The following PCDHA6 variants were observed in gnomAD, a reference collection of about 807,000 sequenced individuals.
PCDHA6 encodes protocadherin alpha 6.
Under a neutral mutation model 60.3 loss-of-function variants are expected in PCDHA6, and 55 were observed. That is an observed-to-expected ratio of 0.91 (90% CI 0.73 to 1.14). The LOEUF (loss-of-function observed/expected upper bound fraction) is 1.14, where lower values mean the gene tolerates loss of function less well. Ranked by LOEUF, PCDHA6 falls within the 50% of genes most tolerant of loss-of-function variation. PCDHA6 has a pLI of 0.00. For missense variants in PCDHA6, 1,327 were observed against 1,256.5 expected, an observed-to-expected ratio of 1.06 and a Z score of -0.85; for synonymous variants, 652 against 557.9, an observed-to-expected ratio of 1.17 and a Z score of -2.38.
intron 1 of PCDHA6, among the ~76,000 whole-genome samples, chr5:140,913,296 T>A (rs538964015): frequency 2.1e-4 from 32 of 152,322 alleles, no homozygotes; most frequent in African/African-American, 7.0e-4. Flanking sequence ...TTTAATTTCT[T>A]CATAGATCAA....
chr5:140,831,399 A>T (rs2150194241), intron 1 of PCDHA6, among the ~76,000 whole-genome samples: 1 of 150,984 alleles, frequency 6.6e-6, no homozygotes. Flanking sequence ...TTGCTCTGTC[A>T]CCCATGCTGG....
chr5:140,867,064 T>C (rs890190808), intron 1 of PCDHA6: 7 of 152,176 alleles, frequency 4.6e-5, no homozygotes, highest in Admixed American at 1.3e-4. Flanking sequence ...CTACTTTATA[T>C]ATTCACAAAA....
intron 1 of PCDHA6, chr5:140,836,819 C>T (rs1774763435): frequency 1.8e-6 from 2 of 1,113,462 alleles, no homozygotes; most frequent in African/African-American, 1.6e-5. Context: ...TTCATAATTT[C>T]TTTTTTAGTT....
rs1176512976 is a variant in PCDHA6 at position 140,829,934 on chromosome 5, G to T, written c.1843G>T (p.Ala615Ser). 3 of 1,613,878 alleles carry T rather than the reference G, an allele frequency of 1.9e-6. No homozygotes were observed. The highest frequency in any genetic ancestry group is 1.7e-6 in the Non-Finnish European group (2 of 1,179,910). The change falls in exon 1 of 4, where the codon GCA becomes TCA. Residue 615 changes from alanine (A) to serine (S), a missense_variant. Physicochemically the swap from Ala to Ser is moderately conservative, Grantham distance 99 (BLOSUM62 1). Transcript: ENST00000529310. ...AWLSYELQPPASSARFPFRVG... is the reference protein window; with the variant it reads ...AWLSYELQPPSSSARFPFRVG... ...GCTTTCGTATGAGCTGCAGCCCCCG[G>T]CAAGCAGCGCTCGCTTCCCGTTTCG...
chr5:140,976,414 G>A (rs1242756697), intron 1 of PCDHA6, among the ~76,000 whole-genome samples: 2 of 151,998 alleles, frequency 1.3e-5, no homozygotes, highest in African/African-American at 2.4e-5. Context: ...AGCCAGGTAC[G>A]GTGGCAGATG....
intron 1 of PCDHA6, chr5:140,861,198 G>A: frequency 6.1e-6 from 1 of 162,948 alleles, no homozygotes; most frequent in Non-Finnish European, 1.3e-5. Context: ...ATGAAATATT[G>A]TTTTACTAAC....
At position 141,009,867 on chromosome 5, in the gene PCDHA6, A is replaced by C. The variant is rs374660085; in HGVS notation, c.2783A>C (p.Lys928Thr). 4.3e-6 allele frequency: 7 copies of C among 1,613,976 alleles called. No individual in the cohort carries two copies. The African/African-American group carries it at 9.3e-5, about 22-fold the overall frequency. ...GAGGAGACCAAGAAAAAGAAGAAAA[A>C]GAAGAAGGGTAACAAGACCCAGGAG... Reference protein sequence around the residue: ...KKEETKKKKKKKKGNKTQEKK... With the variant: ...KKEETKKKKKTKKGNKTQEKK... Residue 928 changes from lysine (K) to threonine (T), a missense_variant, in exon 4 of 4, where the codon AAG becomes ACG. Coordinates refer to ENST00000529310, the MANE Select transcript of PCDHA6 (RefSeq NM_018909.4).
intron 2 of PCDHA6, chr5:140,982,224 A>C: frequency 1.7e-6 from 1 of 587,320 alleles, no homozygotes; most frequent in South Asian, 3.8e-5. Flanking sequence ...TGGCGTTAAT[A>C]AAAAACAGAA....
In PCDHA6 at chr5:140,856,320, G is replaced by T. The variant is rs2043925109; in HGVS notation, c.2394+25835G>T. 1.8e-5 allele frequency: 28 copies of T among 1,598,544 alleles called. 3 individuals carry two copies. Among genetic ancestry groups the T allele is most frequent in the Non-Finnish European group, 2.4e-5 (28 of 1,168,074 alleles). ...TTGTTTGTGAATTCTCGGATTGACC[G>T]CGAGGAGCTGTGCGGGCGGAGCGTG... On this transcript the variant is annotated intron_variant, in intron 1 of 3. Coordinates refer to ENST00000529310, the MANE Select transcript of PCDHA6 (RefSeq NM_018909.4).
intron 1 of PCDHA6, chr5:140,857,098 T>G: frequency 6.3e-7 from 1 of 1,597,572 alleles, no homozygotes; most frequent in Non-Finnish European, 8.6e-7. Context: ...CTGAGGTGAT[T>G]GTCACTTCTC....
intron 1 of PCDHA6, among the ~76,000 whole-genome samples, chr5:140,941,207 CT>C (rs880001940): frequency 0.13 from 13,079 of 103,138 alleles, 665 homozygotes; most frequent in African/African-American, 0.21. Context: ...TTCTTCCTTT[CT>C]TTCTTCCTTT....
At position 140,828,863 on chromosome 5, in the gene PCDHA6, G is replaced by A. The variant is rs2150159880; in HGVS notation, c.772G>A (p.Gly258Arg). 1.2e-6 allele frequency: 2 copies of A among 1,614,200 alleles called. No homozygotes were observed. Among genetic ancestry groups the A allele is most frequent in the East Asian group, 2.2e-5 (1 of 44,886 alleles). Residue 258 changes from glycine to arginine, a missense_variant, in exon 1 of 4, where the codon GGA (glycine) becomes AGA (arginine). Physicochemically the swap from Gly to Arg is moderately radical, Grantham distance 125. Transcript: ENST00000529310. Reference protein sequence around the residue: ...EVRIFENADNGTTVIRLNASD... With the variant: ...EVRIFENADNRTTVIRLNASD... Reference sequence around the variant, plus strand: ...AAGAATATTCGAAAATGCAGACAACGGAACAACAGTTATCAGACTGAATGC... The same window carrying A: ...AAGAATATTCGAAAATGCAGACAACAGAACAACAGTTATCAGACTGAATGC...
intron 1 of PCDHA6, among the ~76,000 whole-genome samples, chr5:140,896,899 C>T (rs191660343): frequency 1.4e-4 from 21 of 152,112 alleles, no homozygotes; most frequent in Admixed American, 1.4e-3. Flanking sequence ...CATTTTGATA[C>T]AAGCATGCAA....
intron 1 of PCDHA6, chr5:140,966,135 T>A (rs1456572936): frequency 1.2e-5 from 2 of 162,166 alleles, no homozygotes; most frequent in African/African-American, 4.8e-5. Context: ...CCCCTCAGTT[T>A]ATTTTCCTGA....
chr5:140,841,535 C>A (rs146057065), intron 1 of PCDHA6: 5 of 1,613,548 alleles, frequency 3.1e-6, no homozygotes, highest in African/African-American at 1.3e-5. Flanking sequence ...CAAAAGACAC[C>A]GGGACCTTCT....
At position 140,955,726 on chromosome 5, in the gene PCDHA6, C is replaced by A. The variant is rs934215613; in HGVS notation, c.2395-23223C>A. Among the ~76,000 whole-genome samples the A allele has an allele frequency of 8.5e-5, 13 of 152,264 alleles. No individual in the cohort carries two copies. In the South Asian group the frequency reaches 2.5e-3, roughly 29 times the overall value. Reference sequence around the variant, plus strand: ...AAGTTTAATAGGAATACCATTGAATCTATAAATTACTTTGAGCATTATTGC... The same window carrying A: ...AAGTTTAATAGGAATACCATTGAATATATAAATTACTTTGAGCATTATTGC... On this transcript the variant is annotated intron_variant, in intron 1 of 3. Coordinates refer to ENST00000529310, the MANE Select transcript of PCDHA6 (RefSeq NM_018909.4).
chr5:140,977,342 T>C (rs1554238451), intron 1 of PCDHA6, among the ~76,000 whole-genome samples: 3 of 152,222 alleles, frequency 2.0e-5, no homozygotes, highest in Non-Finnish European at 4.4e-5. Context: ...GAGACGGTGA[T>C]GATGACTGAT....
chr5:140,926,651 C>T, intron 1 of PCDHA6: 1 of 496,446 alleles, frequency 2.0e-6, no homozygotes, highest in Non-Finnish European at 3.3e-6. Context: ...CCGGCCGGCT[C>T]CGCTTTCCCA....
In PCDHA6 at chr5:140,876,944, C is replaced by T. The variant is rs550148099; in HGVS notation, c.2394+46459C>T. On this transcript the variant is annotated intron_variant, in intron 1 of 3. Transcript: ENST00000529310. ...GACGCGCAGAAGAACGCGCTGGTGT[C>T]CTACTCGCTGGTGGAGCGGCGGGTG... is the stretch of plus-strand genomic sequence containing the variant. The T allele has an allele frequency of 9.9e-6, 16 of 1,613,620 alleles. No individual in the cohort carries two copies. In the South Asian group the frequency reaches 1.5e-4, roughly 16 times the overall value.
Sources: allele counts gnomAD v4.1 joint callset (sites outside exome capture counted in the v4.1 genomes callset), GRCh38; gene constraint gnomAD v4.1.1; transcripts MANE v1.5; gene names NCBI Gene and HGNC (gene_info 2026-07-23, HGNC 2026-07-21).